Variants in USH2A observed in about 807,000 individuals in gnomAD.
The protein encoded by USH2A is usherin, also known as Usher syndrome 2A (autosomal recessive, mild).
A neutral mutation model predicts 538.9 loss-of-function variants in USH2A; 443 were observed. That is an observed-to-expected ratio of 0.82 (90% CI 0.76 to 0.89). The LOEUF is 0.89. USH2A is among the 40% of genes least tolerant of loss of function. USH2A has a pLI of 0.00. For missense variants in USH2A, 6,633 were observed against 6,324.8 expected (o/e 1.05, Z -1.65); for synonymous variants, 2,413 against 2,273.5 (o/e 1.06, Z -1.75).
chr1:215,676,708 C>T (rs927282828), intron 62 of USH2A, among the ~76,000 whole-genome samples: 1 of 152,156 alleles, frequency 6.6e-6, no homozygotes, highest in Non-Finnish European at 1.5e-5. Flanking sequence ...AAGACCACCC[C>T]CATGTGGGAA....
Position 215,728,180 on chromosome 1 carries a change from C to A in USH2A, c.11916G>T (p.Trp3972Cys), listed in dbSNP as rs975858072. 3.1e-6 allele frequency: 5 copies of A among 1,613,944 alleles called. No homozygotes were observed. The African/African-American group carries it at 6.7e-5, about 22-fold the overall frequency. The change falls in exon 61 of 72, where the codon TGG becomes TGT. Residue 3972 changes from tryptophan (W) to cysteine (C), a missense_variant. Trp to Cys is a radical substitution (Grantham distance 215, BLOSUM62 -2). Transcript: ENST00000307340. Reference protein sequence around the residue: ...EAPPQDFPAPWAQATSAHSVL... With the variant: ...EAPPQDFPAPCAQATSAHSVL... ...CTGAATGAGCACTCGTGGCTTGAGC[C>A]CAAGGAGCTGGAAAATCTTGAGGTG...
chr1:215,960,786 A>C (rs79845108), intron 37 of USH2A, among the ~76,000 whole-genome samples: 1,853 of 152,156 alleles, frequency 0.012, 32 homozygotes, highest in East Asian at 0.064. Flanking sequence ...CATTCTCTTT[A>C]GTTTTTCCAT....
chr1:215,630,482 G>GTA (rs1158726890), intron 70 of USH2A, among the ~76,000 whole-genome samples: 338 of 22,444 alleles, frequency 0.015, 1 homozygote, highest in Non-Finnish European at 0.022. Context: ...ATGTGTGTGT[G>GTA]TATATATATA....
intron 38 of USH2A, among the ~76,000 whole-genome samples, chr1:215,926,126 CTTATTTA>C (rs1170850921): frequency 4.1e-5 from 6 of 145,758 alleles, no homozygotes; most frequent in Non-Finnish European, 7.5e-5. Flanking sequence ...TTTTGCAATT[CTTATTTA>C]TTTACTCTTT....
At chr1:216,188,831 G>T (rs1027929458) in intron 20 of USH2A, among the ~76,000 whole-genome samples, 1 of 151,798 alleles carries the variant, frequency 6.6e-6, no homozygotes, top group African/African-American at 2.4e-5. Flanking sequence ...GCATGGCCAC[G>T]TGCTTGGGAT....
chr1:216,323,839 A>G (rs1046104684), intron 7 of USH2A, 144 bp from the exon 8 acceptor site: 3 of 787,418 alleles, frequency 3.8e-6, no homozygotes, highest in Admixed American at 2.4e-5. Context: ...TATATTTCAT[A>G]TATAAACAAT....
intron 21 of USH2A, among the ~76,000 whole-genome samples, chr1:216,134,388 T>C (rs890875478): frequency 1.3e-5 from 2 of 152,002 alleles, no homozygotes; most frequent in Non-Finnish European, 2.9e-5. Flanking sequence ...TAGGAAACAA[T>C]ATTAATTAAT....
chr1:215,770,678 C>G (rs1387846877), intron 55 of USH2A, among the ~76,000 whole-genome samples: 1 of 152,086 alleles, frequency 6.6e-6, no homozygotes, highest in Admixed American at 6.6e-5. Flanking sequence ...CTCTTCTGTG[C>G]ACTTCATGGG....
intron 61 of USH2A, among the ~76,000 whole-genome samples, chr1:215,689,530 C>T (rs1571960232): frequency 1.3e-5 from 2 of 152,162 alleles, no homozygotes; most frequent in East Asian, 3.9e-4. Context: ...TGCCTTGTTG[C>T]TAACTAATAG....
chr1:216,055,447 C>T (rs1185716761), intron 30 of USH2A, among the ~76,000 whole-genome samples: 1 of 152,192 alleles, frequency 6.6e-6, no homozygotes, highest in Non-Finnish European at 1.5e-5. Context: ...CGCTGCAGTG[C>T]TGATAAAATC....
chr1:215,862,780 G>T (rs1664354235), intron 44 of USH2A, among the ~76,000 whole-genome samples: 1 of 152,160 alleles, frequency 6.6e-6, no homozygotes. Context: ...TTTCAGGGCA[G>T]TTATTATCTT....
intron 43 of USH2A, among the ~76,000 whole-genome samples, chr1:215,872,360 G>A (rs1015506963): frequency 5.3e-5 from 8 of 152,184 alleles, no homozygotes; most frequent in Non-Finnish European, 1.0e-4. Flanking sequence ...AAATTGAAGA[G>A]TAATGTTGAT....
chr1:215,706,138 T>C (rs1189065452), intron 61 of USH2A, among the ~76,000 whole-genome samples: 1 of 152,176 alleles, frequency 6.6e-6, no homozygotes, highest in Admixed American at 6.5e-5. Context: ...GAACCAGGAT[T>C]TGCCTGGGGG....
At chr1:216,074,802 C>CCAACAAAAT (rs1377912258) in intron 27 of USH2A, among the ~76,000 whole-genome samples, 7 of 152,136 alleles carry the variant, frequency 4.6e-5, no homozygotes, top group Admixed American at 3.9e-4. Flanking sequence ...AACTTCCCTA[C>CCAACAAAAT]CAACAAAATC....
chr1:216,321,810 T>A, intron 9 of USH2A, 73 bp downstream of exon 9: 1 of 1,327,358 alleles, frequency 7.5e-7, no homozygotes, highest in East Asian at 2.3e-5. Context: ...AGGCCAAGAT[T>A]AAGTTCATAG....
chr1:216,383,108 C>A (rs2038947853), intron 3 of USH2A, among the ~76,000 whole-genome samples: 1 of 152,070 alleles, frequency 6.6e-6, no homozygotes, highest in Non-Finnish European at 1.5e-5. Flanking sequence ...CTCAGGCACA[C>A]AAAAACGGGT....
At chr1:216,368,493 A>C (rs971854622) in intron 3 of USH2A, among the ~76,000 whole-genome samples, 3 of 152,158 alleles carry the variant, frequency 2.0e-5, no homozygotes, top group African/African-American at 7.2e-5. Context: ...TGAATTTGTT[A>C]CTGGACAAAT....
intron 11 of USH2A, among the ~76,000 whole-genome samples, chr1:216,269,661 T>C (rs1282235986): frequency 6.6e-6 from 1 of 152,130 alleles, no homozygotes; most frequent in Admixed American, 6.6e-5. Flanking sequence ...GTGGAAGAAT[T>C]GGCCAAGTGG....
chr1:215,898,354 G>A (rs947329584), intron 40 of USH2A, among the ~76,000 whole-genome samples: 1 of 152,198 alleles, frequency 6.6e-6, no homozygotes, highest in African/African-American at 2.4e-5. Context: ...GTGTATGTGT[G>A]GTCTATAAGG....
Sources: allele counts gnomAD v4.1 joint callset (sites outside exome capture counted in the v4.1 genomes callset), GRCh38; gene constraint gnomAD v4.1.1; transcripts MANE v1.5; gene names NCBI Gene and HGNC (gene_info 2026-07-23, HGNC 2026-07-21).